LONRF1: variants seen among roughly 807,000 people sequenced by gnomAD.
The protein encoded by LONRF1 is LON peptidase N-terminal domain and RING finger protein 1.
In LONRF1, 37 loss-of-function variants were observed where a neutral mutation model predicts 85.8. That is an observed-to-expected ratio of 0.43 (90% CI 0.33 to 0.57). LONRF1 has a LOEUF of 0.57. Among genes scored for constraint, LONRF1 ranks in the 20% least tolerant of loss-of-function variants. The pLI is 0.04. For missense variants in LONRF1, 1,036 were observed against 978.0 expected, an observed-to-expected ratio of 1.06 and a Z score of -0.79; for synonymous variants, 517 against 390.1, an observed-to-expected ratio of 1.33 and a Z score of -3.83.
At chr8:12,744,180 C>A (rs571532034) in intron 1 of LONRF1, among the ~76,000 whole-genome samples, 1 of 152,192 alleles carries the variant, frequency 6.6e-6, no homozygotes, top group African/African-American at 2.4e-5. Context: ...GACCTTAATG[C>A]CTCTAAATAA....
At chr8:12,737,460 T>C in intron 4 of LONRF1, 1 of 454,308 alleles carries the variant, frequency 2.2e-6, no homozygotes, top group Non-Finnish European at 4.1e-6. Context: ...ATTTACATAG[T>C]ATTTACATTG....
intron 1 of LONRF1, among the ~76,000 whole-genome samples, chr8:12,748,129 C>T (rs1001316032): frequency 9.2e-5 from 14 of 152,030 alleles, no homozygotes; most frequent in African/African-American, 1.9e-4. Context: ...GTATAACAAA[C>T]GTCTATCTTT....
intron 10 of LONRF1, among the ~76,000 whole-genome samples, chr8:12,728,043 G>C (rs1377879183): frequency 6.6e-6 from 1 of 152,162 alleles, no homozygotes; most frequent in Non-Finnish European, 1.5e-5. Context: ...AATTCTATGA[G>C]TTAATGTTTG....
chr8:12,735,167 T>A, intron 7 of LONRF1, 119 bp downstream of exon 7: 1 of 656,822 alleles, frequency 1.5e-6, no homozygotes, highest in Non-Finnish European at 2.6e-6. Context: ...TCCTTGTTAG[T>A]CACTCAGAAT....
At chr8:12,741,345 A>G (rs542570574) in intron 2 of LONRF1, among the ~76,000 whole-genome samples, 40 of 152,282 alleles carry the variant, frequency 2.6e-4, no homozygotes, top group Admixed American at 1.7e-3. Flanking sequence ...GATCACACCA[A>G]TGCACTCCAG....
At chr8:12,725,660 AT>A (rs1386498264) in intron 11 of LONRF1, 66 bp downstream of exon 11, 1 of 1,492,610 alleles carries the variant, frequency 6.7e-7, no homozygotes, top group Non-Finnish European at 9.2e-7. Context: ...GAGAAAACAA[AT>A]GTAGAAGTGT....
rs1260745966 is a variant in LONRF1 at position 12,722,453 on chromosome 8, A to G, written c.*643T>C. On this transcript the variant is annotated 3_prime_UTR_variant, in exon 12 of 12. Transcript: ENST00000398246. ...AAACTGGCTCTAGGTTCTGCATCCAATGCCTGTCGGCCACTGTGATGCAAG... is the reference window on the plus strand; with the variant it reads ...AAACTGGCTCTAGGTTCTGCATCCAGTGCCTGTCGGCCACTGTGATGCAAG... The G allele has an allele frequency of 6.5e-6, 1 of 152,674 alleles. No individual in the cohort carries two copies. The highest frequency in any genetic ancestry group is 1.5e-5 in the Non-Finnish European group (1 of 68,052). The allele number at this position is 152,674 out of a possible 1,614,324, so 9.5% of individuals were successfully genotyped here.
chr8:12,755,399 T>A lies in LONRF1; in HGVS notation c.22A>T (p.Arg8Trp). The A allele has an allele frequency of 8.6e-7, 1 of 1,167,126 alleles. No homozygotes were observed. The highest frequency in any genetic ancestry group is 1.1e-6 in the Non-Finnish European group (1 of 946,596). The allele number at this position is 1,167,126 out of a possible 1,614,324, so 72.3% of individuals were successfully genotyped here. A position where few individuals can be genotyped will look rare whatever the true frequency, so the allele number is the denominator to read the frequency against. Residue 8 changes from arginine to tryptophan, a missense_variant, in exon 1 of 12, where the codon AGG becomes TGG. Coordinates refer to ENST00000398246, the MANE Select transcript of LONRF1 (RefSeq NM_152271.5). MSSPAVA[R>W]TSPGGSREMA... ...TCCCGACTCCCTCCTGGGGAGGTCC[T>A]CGCCACCGCCGGAGAGGACATGGCC...
Position 12,735,282 on chromosome 8 carries a change from T to C in LONRF1, c.1566+4A>G. 1.3e-6 allele frequency: 2 copies of C among 1,577,986 alleles called. No individual in the cohort carries two copies. The highest frequency in any genetic ancestry group is 1.7e-6 in the Non-Finnish European group (2 of 1,153,932). ...AACAAACAGACACATATACAAATAT[T>C]TACCTCTTTTAAGCTTTCTTTGCAA... is the stretch of plus-strand genomic sequence containing the variant. On this transcript the variant is annotated splice_donor_region_variant and intron_variant, in intron 7 of 11. Transcript: ENST00000398246.
intron 1 of LONRF1, among the ~76,000 whole-genome samples, chr8:12,746,073 T>C (rs1369156046): frequency 1.3e-5 from 2 of 152,300 alleles, no homozygotes; most frequent in East Asian, 1.9e-4. Flanking sequence ...CAAATCAGAA[T>C]CAACTTTGTA....
chr8:12,750,157 G>C (rs182341122), intron 1 of LONRF1, among the ~76,000 whole-genome samples: 301 of 152,208 alleles, frequency 2.0e-3, no homozygotes, highest in Non-Finnish European at 3.3e-3. Flanking sequence ...TGTGAATTAG[G>C]GATATTAATA....
intron 2 of LONRF1, among the ~76,000 whole-genome samples, chr8:12,741,870 T>C (rs898888622): frequency 1.3e-5 from 2 of 151,182 alleles, no homozygotes; most frequent in Non-Finnish European, 2.9e-5. Flanking sequence ...ATGACAAAAA[T>C]TAGAGTCCTA....
intron 10 of LONRF1, among the ~76,000 whole-genome samples, chr8:12,728,310 G>A (rs766501903): frequency 6.6e-6 from 1 of 152,150 alleles, no homozygotes; most frequent in Non-Finnish European, 1.5e-5. Context: ...ACCCTACCCT[G>A]TTAAGATATC....
At chr8:12,733,873 T>C (rs1798621446) in intron 7 of LONRF1, among the ~76,000 whole-genome samples, 1 of 152,184 alleles carries the variant, frequency 6.6e-6, no homozygotes, top group Admixed American at 6.5e-5. Context: ...ATTTACAAAT[T>C]ATATTACGCA....
rs1262725800 is a variant in LONRF1, at chr8:12,743,212, G to C, written c.792C>G (p.Ala264=). Residue 264 remains alanine (A), a synonymous_variant, in exon 2 of 12, where the codon GCC becomes GCG. Transcript: ENST00000398246. ...SYAGLQEFKA[A]IEDLNAVLFQ... is the part of the protein sequence containing the mutation. Reference sequence around the variant, plus strand: ...AAAGAACTGCATTTAAATCTTCTATGGCTGCTTTAAACTCTTGGAGACCAG... The same window carrying C: ...AAAGAACTGCATTTAAATCTTCTATCGCTGCTTTAAACTCTTGGAGACCAG... The C allele has an allele frequency of 3.7e-6, 6 of 1,612,956 alleles. No homozygotes were observed. Among genetic ancestry groups the C allele is most frequent in the Non-Finnish European group, 4.2e-6 (5 of 1,179,364 alleles).
Position 12,735,320 on chromosome 8 carries a change from G to A in LONRF1, c.1532C>T (p.Pro511Leu). The change falls in exon 7 of 12, where the codon CCA (proline) becomes CTA (leucine). Residue 511 changes from proline to leucine, a missense_variant. Pro to Leu is a moderately conservative substitution (Grantham distance 98, BLOSUM62 -3). Transcript: ENST00000398246. The part of the protein sequence containing the change: ...NCLERCLDHA[P>L]YCPLCKESLK... ...GCTTTCTTTGCAAAGAGGACAATAT[G>A]GTGCATGATCTAAACAACGCTCAAG... The A allele has an allele frequency of 1.9e-6, 3 of 1,606,882 alleles. No homozygotes were observed. The highest frequency in any genetic ancestry group is 2.6e-6 in the Non-Finnish European group (3 of 1,175,794).
intron 10 of LONRF1, chr8:12,727,322 G>C (rs1382737663): frequency 1.3e-5 from 2 of 148,708 alleles, no homozygotes; most frequent in African/African-American, 4.9e-5. Flanking sequence ...AGCTTTTAAA[G>C]TCAAGGAACT....
chr8:12,753,282 C>T (rs1799483630), intron 1 of LONRF1: 2 of 152,280 alleles, frequency 1.3e-5, no homozygotes, highest in Admixed American at 1.3e-4. Flanking sequence ...TATGACTAAG[C>T]ACTTGGGACA....
chr8:12,730,339 T>C (rs1411775915), intron 8 of LONRF1, among the ~76,000 whole-genome samples: 2 of 152,252 alleles, frequency 1.3e-5, no homozygotes, highest in Non-Finnish European at 2.9e-5. Context: ...GAAATATGTA[T>C]GCCAAAATGC....
Sources: allele counts gnomAD v4.1 joint callset (sites outside exome capture counted in the v4.1 genomes callset), GRCh38; gene constraint gnomAD v4.1.1; transcripts MANE v1.5; gene names NCBI Gene and HGNC (gene_info 2026-07-23, HGNC 2026-07-21).